RIMS1: variants seen among roughly 807,000 people sequenced by gnomAD.
The protein encoded by RIMS1 is regulating synaptic membrane exocytosis protein 1.
A neutral mutation model predicts 214.1 loss-of-function variants in RIMS1; 83 were observed. The observed-to-expected ratio is 0.39, with a 90% CI of 0.32 to 0.47. RIMS1 has a LOEUF of 0.47. Among genes scored for constraint, RIMS1 ranks in the 20% least tolerant of loss-of-function variants. The probability of loss-of-function intolerance (pLI) is 0.99; values close to 1 mark genes in which losing one functional copy is unlikely to be tolerated. For synonymous variants in RIMS1, 793 were observed against 786.8 expected, an observed-to-expected ratio of 1.01 and a Z score of -0.13; for missense variants, 2,050 against 2,161.8, an observed-to-expected ratio of 0.95 and a Z score of 1.03.
At chr6:71,947,344 A>G (rs1365877945) in intron 1 of RIMS1, among the ~76,000 whole-genome samples, 2 of 152,152 alleles carry the variant, frequency 1.3e-5, no homozygotes, top group Non-Finnish European at 2.9e-5. Flanking sequence ...AAAGTGGTAT[A>G]TATACATAAT....
intron 31 of RIMS1, 46 bp from the exon 32 acceptor site, chr6:72,398,203 T>G: frequency 8.0e-7 from 1 of 1,249,688 alleles, no homozygotes; most frequent in Middle Eastern, 1.9e-4. Flanking sequence ...TAACTGCACA[T>G]AACTGCAAAG....
chr6:72,103,547 A>G (rs2034099236), intron 4 of RIMS1, among the ~76,000 whole-genome samples: 1 of 152,132 alleles, frequency 6.6e-6, no homozygotes, highest in Admixed American at 6.6e-5. Context: ...CTCAAGGGTT[A>G]GAAAATTAGC....
chr6:72,066,139 G>A (rs10942994), intron 2 of RIMS1, among the ~76,000 whole-genome samples: 32,477 of 151,978 alleles, frequency 0.21, 4,239 homozygotes, highest in East Asian at 0.32. Context: ...ATTTAAGTGC[G>A]TTTGAGATAC....
intron 11 of RIMS1, among the ~76,000 whole-genome samples, chr6:72,247,535 CAAAA>C (rs10717559): frequency 2.9e-5 from 3 of 104,020 alleles, no homozygotes; most frequent in South Asian, 3.2e-4. Flanking sequence ...AACTCTGTCT[CAAAA>C]AAAAAAAAAA....
intron 29 of RIMS1, among the ~76,000 whole-genome samples, chr6:72,366,228 A>G (rs10943007): frequency 0.17 from 26,233 of 152,232 alleles, 2,782 homozygotes; most frequent in Non-Finnish European, 0.24. Flanking sequence ...TTTAATAAGT[A>G]TATATTGAAA....
chr6:71,984,417 A>G (rs1190857878), intron 2 of RIMS1, among the ~76,000 whole-genome samples: 2 of 152,092 alleles, frequency 1.3e-5, no homozygotes, highest in African/African-American at 2.4e-5. Context: ...TCTACCTTTT[A>G]CAGAAGCAGC....
intron 29 of RIMS1, among the ~76,000 whole-genome samples, chr6:72,370,727 G>C (rs908636493): frequency 6.6e-6 from 1 of 152,172 alleles, no homozygotes; most frequent in Non-Finnish European, 1.5e-5. Flanking sequence ...CATTTAGAAA[G>C]CAGACATAAA....
chr6:72,003,993 G>A (rs1222439204), intron 2 of RIMS1, among the ~76,000 whole-genome samples: 10 of 146,246 alleles, frequency 6.8e-5, no homozygotes, highest in Middle Eastern at 3.4e-3. Flanking sequence ...AGCATTAGGT[G>A]TATCTCCTAA....
intron 2 of RIMS1, among the ~76,000 whole-genome samples, chr6:72,001,213 C>T (rs1221236415): frequency 3.9e-5 from 6 of 152,144 alleles, no homozygotes; most frequent in Non-Finnish European, 8.8e-5. Context: ...GGCTTTCTGT[C>T]ACCCCAGCCT....
Position 71,922,001 on chromosome 6 carries a change from T to A in RIMS1, c.164+34814T>A, listed in dbSNP as rs180829475. ...AACTAAATTTGCATCTTACCTTTAA[T>A]CACTATATAGAATCCAGTGGCATAC... On this transcript the variant is annotated intron_variant, in intron 1 of 33. Transcript: ENST00000521978. Among the ~76,000 whole-genome samples the A allele has an allele frequency of 2.0e-4, 31 of 152,312 alleles. No homozygotes were observed. In the East Asian group the frequency reaches 3.3e-3, roughly 16 times the overall value.
In RIMS1 at chr6:72,097,138, C is replaced by G. The variant is rs566900718; in HGVS notation, c.435C>G (p.Gly145=). 1 of 1,613,880 alleles carries G rather than the reference C, an allele frequency of 6.2e-7. No homozygotes were observed. Among genetic ancestry groups the G allele is most frequent in the Non-Finnish European group, 8.5e-7 (1 of 1,179,850 alleles). Residue 145 remains glycine (G), a synonymous_variant, in exon 3 of 34, where the codon GGC becomes GGG. Transcript: ENST00000521978. ...CTAAGTTCTGTGCGCGCTGCGGAGG[C>G]CGCGTGTCTCTACGGTCAAACAACG... is the stretch of plus-strand genomic sequence containing the variant. The part of the protein sequence containing the change: ...CRTKFCARCG[G]RVSLRSNNED...
chr6:72,165,471 A>G (rs1475037595), intron 4 of RIMS1, among the ~76,000 whole-genome samples: 1 of 152,028 alleles, frequency 6.6e-6, no homozygotes, highest in African/African-American at 2.4e-5. Context: ...TTCATTATGT[A>G]TGTTTCCCTC....
At chr6:72,368,799 A>G (rs549154822) in intron 29 of RIMS1, among the ~76,000 whole-genome samples, 3 of 152,126 alleles carry the variant, frequency 2.0e-5, no homozygotes, top group Non-Finnish European at 2.9e-5. Context: ...ATGGTCAATT[A>G]TTTATTTACA....
intron 4 of RIMS1, among the ~76,000 whole-genome samples, chr6:72,171,670 CAAGT>C (rs1208234742): frequency 6.6e-6 from 1 of 151,998 alleles, no homozygotes; most frequent in Non-Finnish European, 1.5e-5. Flanking sequence ...GAGTGAATTG[CAAGT>C]AAGTGGATTG....
At chr6:72,099,891 C>A (rs1402059226) in intron 3 of RIMS1, 84 bp from the exon 4 acceptor site, 12 of 1,092,800 alleles carry the variant, frequency 1.1e-5, no homozygotes, top group African/African-American at 1.1e-4. Context: ...TTCTTAAAAC[C>A]AATTTATTAA....
chr6:71,992,418 C>CTT (rs1303669084), intron 2 of RIMS1, among the ~76,000 whole-genome samples: 1 of 73,450 alleles, frequency 1.4e-5, no homozygotes, highest in Non-Finnish European at 2.6e-5. Context: ...TTCTTTCTTT[C>CTT]TTTCTTTCTT....
chr6:72,028,852 C>A (rs183417075), intron 2 of RIMS1, among the ~76,000 whole-genome samples: 1 of 152,250 alleles, frequency 6.6e-6, no homozygotes, highest in East Asian at 1.9e-4. Context: ...ACATGTATTG[C>A]GCACCTTCTG....
chr6:72,377,405 T>C (rs1327017152), intron 29 of RIMS1, among the ~76,000 whole-genome samples: 1 of 152,114 alleles, frequency 6.6e-6, no homozygotes, highest in East Asian at 1.9e-4. Context: ...ATTCCATGGA[T>C]CTGAAGGTTA....
chr6:71,893,828 G>A (rs991007553), intron 1 of RIMS1, among the ~76,000 whole-genome samples: 12 of 152,168 alleles, frequency 7.9e-5, no homozygotes, highest in Admixed American at 7.2e-4. Context: ...TCATACGAAT[G>A]CTTACTTAAA....
Sources: allele counts gnomAD v4.1 joint callset (sites outside exome capture counted in the v4.1 genomes callset), GRCh38; gene constraint gnomAD v4.1.1; transcripts MANE v1.5; gene names NCBI Gene and HGNC (gene_info 2026-07-23, HGNC 2026-07-21).